The following RAB43 variants were observed in gnomAD, a reference collection of about 807,000 sequenced individuals.
RAB43 encodes ras-related protein Rab-43.
RAB43 carries 6 observed loss-of-function variants against 18.8 expected under a neutral mutation model. The observed-to-expected ratio is 0.32, with a 90% CI of 0.17 to 0.63. The LOEUF is 0.63. Among genes scored for constraint, RAB43 ranks in the 30% least tolerant of loss-of-function variants. The pLI, the probability that RAB43 is intolerant of heterozygous loss-of-function variation, is 0.79. For synonymous variants in RAB43, 103 were observed against 124.1 expected (o/e 0.83, Z 1.13); for missense variants, 195 against 289.1 (o/e 0.67, Z 2.36).
At chr3:129,109,630 C>A (rs1935020536) in intron 1 of RAB43, among the ~76,000 whole-genome samples, 1 of 149,548 alleles carries the variant, frequency 6.7e-6, no homozygotes, top group African/African-American at 2.5e-5. Flanking sequence ...AATCCCAGCT[C>A]CTTGGGAGGC....
At chr3:129,117,445 C>A (rs1420923793) in intron 1 of RAB43, among the ~76,000 whole-genome samples, 2 of 152,214 alleles carry the variant, frequency 1.3e-5, no homozygotes, top group Non-Finnish European at 2.9e-5. Flanking sequence ...AAGCAGCACT[C>A]AGATTCACTT....
At chr3:129,109,000 A>G (rs2108014767) in intron 1 of RAB43, among the ~76,000 whole-genome samples, 1 of 152,270 alleles carries the variant, frequency 6.6e-6, no homozygotes, top group South Asian at 2.1e-4. Flanking sequence ...AATACAAGGA[A>G]TAAAGAAACA....
chr3:129,104,549 C>G (rs1934631106), intron 1 of RAB43, among the ~76,000 whole-genome samples: 1 of 152,202 alleles, frequency 6.6e-6, no homozygotes, highest in African/African-American at 2.4e-5. Context: ...ACTCCCCCTC[C>G]TCTCCCACTC....
chr3:129,106,325 C>T (rs1194613410), intron 1 of RAB43, among the ~76,000 whole-genome samples: 1 of 152,226 alleles, frequency 6.6e-6, no homozygotes, highest in Non-Finnish European at 1.5e-5. Flanking sequence ...ACTGGTCAGA[C>T]TGACCCAAAT....
chr3:129,101,359 G>A (rs941861891), intron 1 of RAB43, among the ~76,000 whole-genome samples: 1 of 152,172 alleles, frequency 6.6e-6, no homozygotes, highest in Non-Finnish European at 1.5e-5. Flanking sequence ...AACATGCGCT[G>A]AGCTCCTGCC....
chr3:129,089,882 CCATGCTGAGGGGGCT>C lies in RAB43; in HGVS notation c.*1199_*1213del, dbSNP rs1933533314. 1 of 138,948 alleles carries C rather than the reference CCATGCTGAGGGGGCT, an allele frequency of 7.2e-6. No individual in the cohort carries two copies. The highest frequency in any genetic ancestry group is 1.6e-5 in the Non-Finnish European group (1 of 64,484). The allele number at this position is 138,948 out of a possible 1,614,324, so 8.6% of individuals were successfully genotyped here. The stretch of plus-strand genomic sequence containing the variant: ...AAGAGCTGCTTACTTCTGGGGGCAC[CCATGCTGAGGGGGCT>C]GCGAGGCAGAGCTGGGCTGACACAG... On this transcript the variant is annotated 3_prime_UTR_variant, in exon 3 of 3. Transcript: ENST00000315150.
At chr3:129,117,397 C>G (rs1311930417) in intron 1 of RAB43, among the ~76,000 whole-genome samples, 1 of 152,172 alleles carries the variant, frequency 6.6e-6, no homozygotes, top group Non-Finnish European at 1.5e-5. Context: ...GACTCCTAGT[C>G]CAGTGCTCTC....
intron 1 of RAB43, among the ~76,000 whole-genome samples, chr3:129,106,229 T>A (rs1445968441): frequency 6.6e-6 from 1 of 152,180 alleles, no homozygotes; most frequent in African/African-American, 2.4e-5. Flanking sequence ...TTCTCCTGAG[T>A]AACGAAGCAG....
chr3:129,121,415 G>C lies in RAB43; in HGVS notation c.75C>G (p.Gly25=). 1 of 1,613,214 alleles carries C rather than the reference G, an allele frequency of 6.2e-7. No homozygotes were observed. The highest frequency in any genetic ancestry group is 8.5e-7 in the Non-Finnish European group (1 of 1,179,612). ...YDFLFKLVLV[G]DASVGKTCVV... ...CGCACGTCTTGCCCACGCTTGCGTC[G>C]CCCACCAGCACCAGCTTGAACAGGA... Residue 25 remains glycine, a synonymous_variant, in exon 1 of 3, where the codon GGC becomes GGG. Coordinates refer to ENST00000315150, the MANE Select transcript of RAB43 (RefSeq NM_198490.3).
rs969668175 is a variant in RAB43 at position 129,107,236 on chromosome 3, G to C, written c.205-12067C>G. On this transcript the variant is annotated intron_variant, in intron 1 of 2. Transcript: ENST00000315150. The surrounding 1 kb of genome is among the most constrained non-coding windows in gnomAD (Gnocchi z 4.2). ...GCCTGGTGTCCTTTACCATGGACGC[G>C]GCTCCTCCGCAAGCACATAGAAACT... Among the ~76,000 whole-genome samples, 1 of 152,190 alleles carries C rather than the reference G, an allele frequency of 6.6e-6. No homozygotes were observed. The highest frequency in any genetic ancestry group is 1.9e-4 in the East Asian group (1 of 5,180).
rs1454490202 is a variant in RAB43, at chr3:129,089,372, CCCACTCAGCT to C, written c.*1714_*1723del. On this transcript the variant is annotated 3_prime_UTR_variant, in exon 3 of 3. Coordinates refer to ENST00000315150, the MANE Select transcript of RAB43 (RefSeq NM_198490.3). Reference sequence around the variant, plus strand: ...GGAGGCGCAGGGGCAGAGCCCAGACCCCACTCAGCTCCACTCTCACCCCTGCCACAAGCAA... The same window carrying C: ...GGAGGCGCAGGGGCAGAGCCCAGACCCCACTCTCACCCCTGCCACAAGCAA... 2.3e-5 allele frequency: 3 copies of C among 131,182 alleles called. No individual in the cohort carries two copies. The highest frequency in any genetic ancestry group is 8.8e-5 in the African/African-American group (3 of 34,046). The allele number at this position is 131,182 out of a possible 1,614,324, so 8.1% of individuals were successfully genotyped here. A position where few individuals can be genotyped will look rare whatever the true frequency, so the allele number is the denominator to read the frequency against.
chr3:129,092,667 G>A, intron 2 of RAB43: 2 of 498,784 alleles, frequency 4.0e-6, no homozygotes, highest in Non-Finnish European at 7.1e-6. Flanking sequence ...TGTATAAAAT[G>A]TTCTATAGGC....
intron 1 of RAB43, among the ~76,000 whole-genome samples, chr3:129,112,836 G>A (rs975094799): frequency 4.0e-5 from 6 of 151,306 alleles, no homozygotes; most frequent in Non-Finnish European, 7.4e-5. Context: ...CTGCAGACTT[G>A]ATCTCTGGGA....
rs1576807993 is a variant in RAB43, at chr3:129,087,955, C to T, written c.*3141G>A. On this transcript the variant is annotated 3_prime_UTR_variant, in exon 3 of 3. Coordinates refer to ENST00000315150, the MANE Select transcript of RAB43 (RefSeq NM_198490.3). Reference sequence around the variant, plus strand: ...CCCCCCGCCACCTCCACCATTGCCCCCTCCCCTGCACTCTGGCCCCTGACC... The same window carrying T: ...CCCCCCGCCACCTCCACCATTGCCCTCTCCCCTGCACTCTGGCCCCTGACC... 1 of 151,170 alleles carries T rather than the reference C, an allele frequency of 6.6e-6. No individual in the cohort carries two copies. The highest frequency in any genetic ancestry group is 6.6e-5 in the Admixed American group (1 of 15,184). The allele number at this position is 151,170 out of a possible 1,614,324, so 9.4% of individuals were successfully genotyped here.
intron 1 of RAB43, among the ~76,000 whole-genome samples, chr3:129,097,455 G>A (rs1039470057): frequency 9.2e-5 from 14 of 152,202 alleles, no homozygotes; most frequent in Non-Finnish European, 1.9e-4. Context: ...TCAAGTGTGA[G>A]GGTTTAATAA....
chr3:129,100,829 A>G (rs1934366174), intron 1 of RAB43, among the ~76,000 whole-genome samples: 1 of 151,684 alleles, frequency 6.6e-6, no homozygotes, highest in Non-Finnish European at 1.5e-5. Context: ...TTTTTTTGAG[A>G]CGAGTCTCGC....
intron 1 of RAB43, among the ~76,000 whole-genome samples, chr3:129,096,143 G>A (rs1576819402): frequency 6.6e-6 from 1 of 152,274 alleles, no homozygotes; most frequent in South Asian, 2.1e-4. Flanking sequence ...AACACTCGGG[G>A]TGTCTCTTTA....
At chr3:129,108,375 C>T (rs898833529) in intron 1 of RAB43, among the ~76,000 whole-genome samples, 1 of 152,250 alleles carries the variant, frequency 6.6e-6, no homozygotes. Context: ...TCAGGCCATG[C>T]AGTCCAACTC....
chr3:129,092,973 C>A (rs1390094772), intron 2 of RAB43, among the ~76,000 whole-genome samples: 1 of 150,780 alleles, frequency 6.6e-6, no homozygotes, highest in South Asian at 2.1e-4. Flanking sequence ...AAAAAAAGTT[C>A]TATAATAGAA....
Sources: gnomAD v4.1 joint callset for allele counts (sites outside exome capture counted in the v4.1 genomes callset) on GRCh38, gnomAD v4.1.1 for gene constraint, Gnocchi (gnomAD v3.1) non-coding constraint, MANE v1.5 for transcripts, NCBI Gene and HGNC (gene_info 2026-07-23, HGNC 2026-07-21) for gene names.